ACP6: variants seen among roughly 807,000 people sequenced by gnomAD.
The protein encoded by ACP6 is lysophosphatidic acid phosphatase type 6.
ACP6 carries 48 observed loss-of-function variants against 48.1 expected under a neutral mutation model. The ratio of observed to expected loss-of-function variants is 1.00; its 90% CI spans 0.79 to 1.27. The LOEUF is 1.27. Ranked by LOEUF, ACP6 falls within the 50% of genes most tolerant of loss-of-function variation. ACP6 has a pLI of 0.00. For missense variants in ACP6, 485 were observed against 529.1 expected (o/e 0.92, Z 0.82); for synonymous variants, 172 against 204.2 (o/e 0.84, Z 1.34).
chr1:147,661,932 C>A (rs1341677910), intron 1 of ACP6, among the ~76,000 whole-genome samples: 1 of 152,218 alleles, frequency 6.6e-6, no homozygotes, highest in African/African-American at 2.4e-5. Context: ...GGCTGATTCT[C>A]ATTAGGGATT....
chr1:147,665,404 TG>T lies in ACP6; in HGVS notation c.219+4425del, dbSNP rs1339261768. ...TAAAAGCTTTATGTGGGGACTGTGT[TG>T]GTAGGTAAACACAGAAGAACAAAAA... On this transcript the variant is annotated intron_variant, in intron 1 of 9. Coordinates refer to ENST00000583509, the MANE Select transcript of ACP6 (RefSeq NM_016361.5). 2.6e-5 allele frequency among the ~76,000 whole-genome samples: 4 copies of T among 152,310 alleles called. No individual in the cohort carries two copies. The East Asian group carries it at 7.7e-4, about 29-fold the overall frequency.
At chr1:147,654,355 T>A (rs368373290) in intron 5 of ACP6, 29 bp from the exon 6 acceptor site, 2 of 1,609,824 alleles carry the variant, frequency 1.2e-6, no homozygotes, top group Admixed American at 1.7e-5. Flanking sequence ...TAAAGCCTTA[T>A]ATTCTATAGT....
intron 3 of ACP6, 129 bp downstream of exon 3, chr1:147,659,265 GGT>G: frequency 7.6e-7 from 1 of 1,309,104 alleles, no homozygotes; most frequent in Non-Finnish European, 1.1e-6. Flanking sequence ...GTGACATAAG[GGT>G]ATGCAGCATG....
At chr1:147,655,660 A>G (rs1660217405) in intron 4 of ACP6, among the ~76,000 whole-genome samples, 1 of 152,200 alleles carries the variant, frequency 6.6e-6, no homozygotes, top group Non-Finnish European at 1.5e-5. Context: ...GCCTGATCCT[A>G]TAGGCCACTA....
At chr1:147,649,902 C>A in intron 8 of ACP6, 1 of 517,384 alleles carries the variant, frequency 1.9e-6, no homozygotes, top group East Asian at 3.5e-5. Flanking sequence ...GACATATCTT[C>A]AATTAATAAA....
At position 147,636,067 on chromosome 1, in the gene ACP6, C is replaced by T. The variant is rs57763098; in HGVS notation, c.461-5002G>A. Among the ~76,000 whole-genome samples, 642 of 152,188 alleles carry T rather than the reference C, an allele frequency of 4.2e-3. 6 individuals carry two copies. Among genetic ancestry groups the T allele is most frequent in the African/African-American group, 0.015 (605 of 41,510 alleles). ...CAATCAAAAAAGGTGAGGAAACTAA[C>T]GATGGTACTTGAAATTGATTAATGT... On this transcript the variant is annotated intron_variant, in intron 5 of 5. Transcript: ENST00000609196.
Position 147,650,366 on chromosome 1 carries a change from C to T in ACP6, c.882-128G>A, listed in dbSNP as rs1659854256. 6.7e-6 allele frequency: 4 copies of T among 598,000 alleles called. No individual in the cohort carries two copies. In the Admixed American group the frequency reaches 1.2e-4, roughly 18 times the overall value. 37.0% of individuals were successfully genotyped at this position (598,000 alleles called of 1,614,324 possible). Reference sequence around the variant, plus strand: ...GAAAAAGGCAAGTAATGCATAAGGGCCAGCAACGGGCCAGAAGGAGAGAAA... The same window carrying T: ...GAAAAAGGCAAGTAATGCATAAGGGTCAGCAACGGGCCAGAAGGAGAGAAA... On this transcript the variant is annotated intron_variant, in intron 7 of 9. Transcript: ENST00000583509.
At chr1:147,657,817 G>T (rs587639159) in intron 4 of ACP6, among the ~76,000 whole-genome samples, 1 of 152,204 alleles carries the variant, frequency 6.6e-6, no homozygotes. Flanking sequence ...TAGGTCCAGC[G>T]CAGGGAGCTG....
downstream of ACP6, among the ~76,000 whole-genome samples, chr1:147,638,289 A>G (rs1158042336): frequency 2.6e-5 from 4 of 152,344 alleles, no homozygotes; most frequent in African/African-American, 9.6e-5. Context: ...ACAAAGCCTT[A>G]TGAGGTAAAT....
Position 147,656,043 on chromosome 1 carries a change from T to G in ACP6, c.560-795A>C, listed in dbSNP as rs587621476. Among the ~76,000 whole-genome samples the G allele has an allele frequency of 7.9e-5, 12 of 152,278 alleles. 1 individual carries two copies. In the East Asian group the frequency reaches 1.9e-3, roughly 25 times the overall value. The stretch of plus-strand genomic sequence containing the variant: ...GCAATTTGGGATTCACTGAGGTCCA[T>G]CTACAGAGTGATCAGCTGAATCAAA... On this transcript the variant is annotated intron_variant, in intron 4 of 9. Coordinates refer to ENST00000583509, the MANE Select transcript of ACP6 (RefSeq NM_016361.5).
At chr1:147,663,916 C>CAA (rs1441295306) in intron 1 of ACP6, among the ~76,000 whole-genome samples, 5 of 152,150 alleles carry the variant, frequency 3.3e-5, no homozygotes, top group South Asian at 4.1e-4. Flanking sequence ...ACATTGATAA[C>CAA]AAAAAAAATT....
chr1:147,670,038 C>T lies in ACP6; in HGVS notation c.11G>A (p.Gly4Asp), dbSNP rs1553214446. The part of the protein sequence containing the change: MIT[G>D]VFSMRLWTPV... The stretch of plus-strand genomic sequence containing the variant: ...GGTCCACAAGCGCATGCTGAACACA[C>T]CAGTGATCATGGTGGTAGGCCCTCG... The change falls in exon 1 of 10, where the codon GGT becomes GAT. Residue 4 changes from glycine (G) to aspartate (D), a missense_variant. Coordinates refer to ENST00000583509, the MANE Select transcript of ACP6 (RefSeq NM_016361.5). 22 of 1,519,234 alleles carry T rather than the reference C, an allele frequency of 1.4e-5. No individual in the cohort carries two copies. Among genetic ancestry groups the T allele is most frequent in the Non-Finnish European group, 1.9e-5 (21 of 1,125,246 alleles). The allele number at this position is 1,519,234 out of a possible 1,614,324, so 94.1% of individuals were successfully genotyped here. A position where few individuals can be genotyped will look rare whatever the true frequency, so the allele number is the denominator to read the frequency against.
chr1:147,656,806 G>T (rs1553211701), intron 4 of ACP6, among the ~76,000 whole-genome samples: 1 of 152,090 alleles, frequency 6.6e-6, no homozygotes, highest in Non-Finnish European at 1.5e-5. Flanking sequence ...TACATCTATG[G>T]ATTCAATCAA....
At chr1:147,666,157 A>G (rs1206500660) in intron 1 of ACP6, among the ~76,000 whole-genome samples, 12 of 152,248 alleles carry the variant, frequency 7.9e-5, no homozygotes, top group African/African-American at 2.7e-4. Flanking sequence ...TGACTTTTAC[A>G]TAAAGAAACA....
At chr1:147,652,679 T>C (rs782650808) in intron 6 of ACP6, 130 bp from the exon 7 acceptor site, 7 of 1,591,968 alleles carry the variant, frequency 4.4e-6, no homozygotes, top group Non-Finnish European at 6.0e-6. Flanking sequence ...CAAGAACAGC[T>C]ATGTCTGTTA....
Position 147,647,380 on chromosome 1 carries a change from G to A in ACP6, c.*43C>T, listed in dbSNP as rs1553209609. ...ACAAAGCAGGAGGCATTGTATAAAG[G>A]CACTTTATTTTAAAATCAACACATC... On this transcript the variant is annotated 3_prime_UTR_variant, in exon 10 of 10. Coordinates refer to ENST00000583509, the MANE Select transcript of ACP6 (RefSeq NM_016361.5). 6.2e-7 allele frequency: 1 copy of A among 1,609,036 alleles called. No homozygotes were observed. The highest frequency in any genetic ancestry group is 1.1e-5 in the South Asian group (1 of 90,876).
intron 4 of ACP6, 151 bp downstream of exon 4, chr1:147,658,809 G>A: frequency 1.4e-6 from 1 of 700,184 alleles, no homozygotes; most frequent in South Asian, 2.2e-5. Flanking sequence ...GCCAGACAGG[G>A]AAAGACCCAC....
rs191442322 is a variant in ACP6 at position 147,658,660 on chromosome 1, T to C, written c.559+300A>G. The stretch of plus-strand genomic sequence containing the variant: ...TCACCTAAATAAAAAGCCCCCTCGA[T>C]TGTTCACAAAACATGGTTAGGACTG... On this transcript the variant is annotated intron_variant, in intron 4 of 9. Coordinates refer to ENST00000583509, the MANE Select transcript of ACP6 (RefSeq NM_016361.5). Among the ~76,000 whole-genome samples the C allele has an allele frequency of 2.0e-4, 30 of 152,296 alleles. No homozygotes were observed. The East Asian group carries it at 4.4e-3, about 23-fold the overall frequency.
chr1:147,629,968 A>G (rs2101634435), exon 6 of ACP6: 1 of 152,342 alleles, frequency 6.6e-6, no homozygotes, highest in South Asian at 2.1e-4. Flanking sequence ...TGTATGTATG[A>G]CCATAGAAAG....
Sources: allele counts gnomAD v4.1 joint callset (sites outside exome capture counted in the v4.1 genomes callset), GRCh38; gene constraint gnomAD v4.1.1; transcripts MANE v1.5; gene names NCBI Gene and HGNC (gene_info 2026-07-23, HGNC 2026-07-21).